Variants in MNT observed in about 807,000 individuals in gnomAD.
The protein encoded by MNT is max-binding protein MNT.
In MNT, 13 loss-of-function variants were observed where a neutral mutation model predicts 40.7. The ratio of observed to expected loss-of-function variants is 0.32; its 90% CI spans 0.21 to 0.51. The LOEUF (loss-of-function observed/expected upper bound fraction) is 0.51. Among genes scored for constraint, MNT ranks in the 20% least tolerant of loss-of-function variants. The pLI is 0.98. For synonymous variants in MNT, 426 were observed against 354.8 expected (o/e 1.20, Z -2.26); for missense variants, 757 against 792.0 (o/e 0.96, Z 0.53).
chr17:2,395,105 C>A lies in MNT; in HGVS notation c.423G>T (p.Pro141=), dbSNP rs888655128. The part of the protein sequence containing the change: ...IKEPAPLPSR[P]QVPTPAPLLP... ...GTAGGGGAGCAGGGGTGGGCACCTG[C>A]GGCCTGCTGGGCAGGGGGGCAGGCT... Residue 141 remains proline (P), a synonymous_variant, in exon 2 of 6, where the codon CCG becomes CCT. Coordinates refer to ENST00000174618, the MANE Select transcript of MNT (RefSeq NM_020310.3). 1.3e-6 allele frequency: 2 copies of A among 1,495,168 alleles called. No homozygotes were observed. The highest frequency in any genetic ancestry group is 1.4e-5 in the South Asian group (1 of 73,334). The allele number at this position is 1,495,168 out of a possible 1,614,324, so 92.6% of individuals were successfully genotyped here.
In MNT at chr17:2,395,187, A is replaced by G; in HGVS notation, c.341T>C (p.Leu114Pro). 1 of 1,055,184 alleles carries G rather than the reference A, an allele frequency of 9.5e-7. No individual in the cohort carries two copies. The highest frequency in any genetic ancestry group is 1.2e-6 in the Non-Finnish European group (1 of 814,406). 65.4% of individuals were successfully genotyped at this position (1,055,184 alleles called of 1,614,324 possible). ...GGCCGGCTGACGAGGCGCCAGGGGC[A>G]GAGGCTGGGCTGCCGCGGGCAAGGG... ...PPPLPAAAQP[L>P]PLAPRQPALV... Residue 114 changes from leucine (L) to proline (P), a missense_variant, in exon 2 of 6, where the codon CTG becomes CCG. Physicochemically the swap from Leu to Pro is moderately conservative, Grantham distance 98. This residue lies in a region of MNT where 335 missense variants were observed against 291.4 expected (regional missense o/e 1.15). Transcript: ENST00000174618.
rs531765704 is a variant in MNT, at chr17:2,394,289, A to G, written c.695+16T>C. 1.2e-5 allele frequency: 19 copies of G among 1,611,934 alleles called. No homozygotes were observed. The highest frequency in any genetic ancestry group is 1.7e-5 in the Admixed American group (1 of 59,910). On this transcript the variant is annotated intron_variant, in intron 3 of 5. Coordinates refer to ENST00000174618, the MANE Select transcript of MNT (RefSeq NM_020310.3). ...CGCACGCACGCACGCACACACACAC[A>G]CACACACACACACACCTGTTCTTCT...
chr17:2,400,719 G>C lies in MNT; in HGVS notation c.-7C>G. 1 of 1,553,098 alleles carries C rather than the reference G, an allele frequency of 6.4e-7. No individual in the cohort carries two copies. Among genetic ancestry groups the C allele is most frequent in the Non-Finnish European group, 8.6e-7 (1 of 1,156,186 alleles). ...GTAGCGTCTCTATGCTCATCGCGCCGAGAGCTGCCGGGGGCGCGCCGGGGC... is the reference window on the plus strand; with the variant it reads ...GTAGCGTCTCTATGCTCATCGCGCCCAGAGCTGCCGGGGGCGCGCCGGGGC... On this transcript the variant is annotated 5_prime_UTR_variant, in exon 1 of 6. Coordinates refer to ENST00000174618, the MANE Select transcript of MNT (RefSeq NM_020310.3).
chr17:2,388,023 A>G lies in MNT; in HGVS notation c.834T>C (p.Tyr278=). The G allele has an allele frequency of 1.3e-6, 2 of 1,564,426 alleles. No individual in the cohort carries two copies. The highest frequency in any genetic ancestry group is 8.7e-7 in the Non-Finnish European group (1 of 1,152,786). Residue 278 remains tyrosine, a synonymous_variant, in exon 5 of 6, where the codon TAT becomes TAC. Coordinates refer to ENST00000174618, the MANE Select transcript of MNT (RefSeq NM_020310.3). ...GTGCCAGCCGCTCCATTTCATGCTC[A>G]TATTCCTTCTCCTTCCTCTTCAGGG... ...IQSLKRKEKE[Y]EHEMERLARE...
intron 1 of MNT, chr17:2,396,940 C>G (rs1001070043): frequency 3.9e-5 from 6 of 152,372 alleles, no homozygotes; most frequent in African/African-American, 1.4e-4. Flanking sequence ...CTTACTGGCT[C>G]AGGCGCCCCA....
chr17:2,399,819 C>T (rs994132979), intron 1 of MNT, among the ~76,000 whole-genome samples: 1 of 152,068 alleles, frequency 6.6e-6, no homozygotes, highest in African/African-American at 2.4e-5. Context: ...CAGGCGAGAG[C>T]GGGTTTGGAA....
In MNT at chr17:2,393,973, C is replaced by A. The variant is rs1005627697; in HGVS notation, c.807+70G>T. 7 of 1,086,516 alleles carry A rather than the reference C, an allele frequency of 6.4e-6. No homozygotes were observed. In the African/African-American group the frequency reaches 8.5e-5, roughly 13 times the overall value. The allele number at this position is 1,086,516 out of a possible 1,614,324, so 67.3% of individuals were successfully genotyped here. ...GCCGGGGCGTGAGGGCGGGGCGGGG[C>A]GCGGCCGGGGGAGGGGCGGCGGAGG... On this transcript the variant is annotated intron_variant, in intron 4 of 5. Transcript: ENST00000174618.
intron 5 of MNT, 88 bp downstream of exon 5, chr17:2,387,769 G>A (rs1348914132): frequency 6.5e-7 from 1 of 1,547,674 alleles, no homozygotes; most frequent in African/African-American, 1.4e-5. Context: ...ATCTTTTCTA[G>A]CAGGCAAGAA....
rs2066609898 is a variant in MNT, at chr17:2,400,767, G to A, written c.-55C>T. The A allele has an allele frequency of 1.4e-6, 2 of 1,465,324 alleles. No homozygotes were observed. The highest frequency in any genetic ancestry group is 1.8e-6 in the Non-Finnish European group (2 of 1,107,032). The allele number at this position is 1,465,324 out of a possible 1,614,324, so 90.8% of individuals were successfully genotyped here. A position where few individuals can be genotyped will look rare whatever the true frequency, so the allele number is the denominator to read the frequency against. ...GGCCGAGGCTGCGGCCCGCGAGCCG[G>A]GCACAGGTCAGGCTGGCGGGCAGGC... On this transcript the variant is annotated 5_prime_UTR_variant, in exon 1 of 6. Transcript: ENST00000174618.
Position 2,395,419 on chromosome 17 carries a change from C to G in MNT, c.109G>C (p.Glu37Gln). 1.9e-6 allele frequency: 3 copies of G among 1,613,438 alleles called. No individual in the cohort carries two copies. Among genetic ancestry groups the G allele is most frequent in the South Asian group, 1.1e-5 (1 of 91,056 alleles). Residue 37 changes from glutamate to glutamine, a missense_variant, in exon 2 of 6, where the codon GAG (glutamate) becomes CAG (glutamine). Glu to Gln is a conservative substitution (Grantham distance 29, BLOSUM62 2). Transcript: ENST00000174618. ...CTATTGGCCTTCTTCTGTTCCTGCT[C>G]TCGCTCCTGCTCCAAGCGAAGCCGC... ...QERLRLEQER[E>Q]QEQKKANSLA...
chr17:2,393,486 C>T (rs2066542984), intron 4 of MNT, among the ~76,000 whole-genome samples: 1 of 152,220 alleles, frequency 6.6e-6, no homozygotes, highest in Non-Finnish European at 1.5e-5. Context: ...CGGAGTTTTC[C>T]CCGCCCCAGG....
At position 2,386,856 on chromosome 17, in the gene MNT, G is replaced by A. The variant is rs922373763; in HGVS notation, c.*45C>T. 3 of 1,440,530 alleles carry A rather than the reference G, an allele frequency of 2.1e-6. No homozygotes were observed. The highest frequency in any genetic ancestry group is 1.4e-5 in the African/African-American group (1 of 69,280). The allele number at this position is 1,440,530 out of a possible 1,614,324, so 89.2% of individuals were successfully genotyped here. A position where few individuals can be genotyped will look rare whatever the true frequency, so the allele number is the denominator to read the frequency against. On this transcript the variant is annotated 3_prime_UTR_variant, in exon 6 of 6. Coordinates refer to ENST00000174618, the MANE Select transcript of MNT (RefSeq NM_020310.3). Reference sequence around the variant, plus strand: ...TGGTGGGTGAGAGAGTGGGGGACAGGTCCCCCTCCCTGTCCCCACTGGGGG... The same window carrying A: ...TGGTGGGTGAGAGAGTGGGGGACAGATCCCCCTCCCTGTCCCCACTGGGGG...
At chr17:2,388,306 C>T in intron 4 of MNT, 1 of 471,994 alleles carries the variant, frequency 2.1e-6, no homozygotes, top group Non-Finnish European at 3.8e-6. Flanking sequence ...CAGGTCCTTC[C>T]CTGTCCTCCA....
At chr17:2,396,088 G>C (rs770265190) in intron 1 of MNT, among the ~76,000 whole-genome samples, 5 of 152,094 alleles carry the variant, frequency 3.3e-5, no homozygotes, top group African/African-American at 7.2e-5. Flanking sequence ...GTGCTCACAA[G>C]GAAGTGCTGA....
Position 2,395,051 on chromosome 17 carries a change from G to T in MNT, c.477C>A (p.Pro159=). Residue 159 remains proline (P), a synonymous_variant, in exon 2 of 6, where the codon CCC becomes CCA. Transcript: ENST00000174618. The part of the protein sequence containing the change: ...LLPDSKATIP[P]NGSPKPLQPL... ...GCTGCAAAGGCTTGGGGCTGCCATT[G>T]GGTGGAATGGTGGCCTTCGAGTCCG... 1 of 1,570,966 alleles carries T rather than the reference G, an allele frequency of 6.4e-7. No individual in the cohort carries two copies. Among genetic ancestry groups the T allele is most frequent in the East Asian group, 2.3e-5 (1 of 44,020 alleles).
chr17:2,387,760 T>C, intron 5 of MNT, 97 bp downstream of exon 5: 1 of 1,548,686 alleles, frequency 6.5e-7, no homozygotes, highest in Admixed American at 1.8e-5. Context: ...GCCAGGGCCA[T>C]CTTTTCTAGC....
Position 2,386,651 on chromosome 17 carries a change from G to A in MNT, c.*250C>T, listed in dbSNP as rs2066464229. 2 of 446,468 alleles carry A rather than the reference G, an allele frequency of 4.5e-6. No homozygotes were observed. The highest frequency in any genetic ancestry group is 2.0e-5 in the African/African-American group (1 of 49,482). The allele number at this position is 446,468 out of a possible 1,614,324, so 27.7% of individuals were successfully genotyped here. ...CAGGAGCGGCACTGGAGCTGGCACT[G>A]GGCCGGACAGGTGGCACATTCCATC... On this transcript the variant is annotated 3_prime_UTR_variant, in exon 6 of 6. Transcript: ENST00000174618.
intron 4 of MNT, chr17:2,392,718 C>CACGCGGCCGCGG (rs1236580032): frequency 1.3e-5 from 2 of 151,952 alleles, no homozygotes; most frequent in Non-Finnish European, 2.9e-5. Flanking sequence ...CCGCGGCTTC[C>CACGCGGCCGCGG]CTGCGTCACC....
chr17:2,388,528 C>G (rs924916763), intron 4 of MNT, among the ~76,000 whole-genome samples: 7 of 152,084 alleles, frequency 4.6e-5, no homozygotes, highest in African/African-American at 1.4e-4. Context: ...CTCCAGGACT[C>G]GCCTCCCTCC....
Sources: gnomAD v4.1 joint callset for allele counts (sites outside exome capture counted in the v4.1 genomes callset) on GRCh38, gnomAD v4.1.1 for gene constraint, gnomAD v4.1.1 regional missense constraint, MANE v1.5 for transcripts, NCBI Gene and HGNC (gene_info 2026-07-23, HGNC 2026-07-21) for gene names.